Variants in VPS8 observed in about 807,000 individuals in gnomAD.
The protein encoded by VPS8 is vacuolar protein sorting-associated protein 8 homolog.
In VPS8, 129 loss-of-function variants were observed where a neutral mutation model predicts 216.4. The ratio of observed to expected loss-of-function variants is 0.60; its 90% confidence interval spans 0.52 to 0.69. The LOEUF (loss-of-function observed/expected upper bound fraction) is 0.69, where lower values mean the gene tolerates loss of function less well. VPS8 is among the 30% of genes least tolerant of loss of function. The pLI, the probability that VPS8 is intolerant of heterozygous loss-of-function variation, is 0.00. For synonymous variants in VPS8, 571 were observed against 565.4 expected, an observed-to-expected ratio of 1.01 and a Z score of -0.14; for missense variants, 1,531 against 1,683.5, an observed-to-expected ratio of 0.91 and a Z score of 1.59.
chr3:184,821,394 A>G (rs1322048539), intron 1 of VPS8, among the ~76,000 whole-genome samples: 4 of 150,904 alleles, frequency 2.7e-5, no homozygotes, highest in African/African-American at 9.8e-5. Flanking sequence ...CCCAGGCTGG[A>G]GTGCAGTGGC....
chr3:185,042,194 C>T (rs1164959665), intron 46 of VPS8, among the ~76,000 whole-genome samples: 3 of 152,192 alleles, frequency 2.0e-5, no homozygotes, highest in African/African-American at 7.2e-5. Flanking sequence ...AGAGCCCCTA[C>T]TCTGTGTTGT....
In VPS8 at chr3:184,900,941, T is replaced by C. The variant is rs1578152960; in HGVS notation, c.2115T>C (p.Ala705=). Residue 705 remains alanine, a synonymous_variant, in exon 25 of 48, where the codon GCT becomes GCC. Coordinates refer to ENST00000625842, the MANE Select transcript of VPS8 (RefSeq NM_001009921.3). ...SPMEKLFRVI[A]PPLNAGKTLT... is the part of the protein sequence containing the mutation. ...TGCAGAAACTTTTCAGAGTCATTGC[T>C]CCTCCTCTGAATGCAGGAAAAACAC... 1.2e-6 allele frequency: 2 copies of C among 1,606,898 alleles called. No homozygotes were observed. Among genetic ancestry groups the C allele is most frequent in the Non-Finnish European group, 1.7e-6 (2 of 1,178,456 alleles).
chr3:184,993,117 A>T (rs1752132234), intron 42 of VPS8, among the ~76,000 whole-genome samples: 1 of 152,156 alleles, frequency 6.6e-6, no homozygotes, highest in African/African-American at 2.4e-5. Context: ...AAAAAAAAAG[A>T]AATATTTGCT....
chr3:184,969,523 G>A (rs556911575), intron 39 of VPS8, among the ~76,000 whole-genome samples: 2 of 144,050 alleles, frequency 1.4e-5, no homozygotes, highest in East Asian at 2.1e-4. Context: ...TCCGCCTCCC[G>A]GGTTCAAGCG....
At chr3:184,958,740 TAAA>T (rs1214334124) in intron 37 of VPS8, among the ~76,000 whole-genome samples, 1 of 152,188 alleles carries the variant, frequency 6.6e-6, no homozygotes, top group Non-Finnish European at 1.5e-5. Context: ...TGGAGGAAAC[TAAA>T]AATTCAGATT....
chr3:184,815,199 T>C (rs1361742297), intron 1 of VPS8, among the ~76,000 whole-genome samples: 1 of 152,192 alleles, frequency 6.6e-6, no homozygotes, highest in Non-Finnish European at 1.5e-5. Flanking sequence ...TTTAAATAAG[T>C]GGATGAGTAC....
intron 24 of VPS8, among the ~76,000 whole-genome samples, chr3:184,900,195 G>C (rs558943813): frequency 1.6e-4 from 25 of 152,300 alleles, no homozygotes; most frequent in Admixed American, 1.6e-3. Context: ...GGAGGTACAG[G>C]GAAAGGATTG....
At chr3:184,914,886 G>T in intron 26 of VPS8, 95 bp from the exon 27 acceptor site, 2 of 1,226,792 alleles carry the variant, frequency 1.6e-6, no homozygotes, top group South Asian at 2.5e-5. Context: ...CTTACAAATT[G>T]AACTAGTATC....
At chr3:185,003,768 G>A (rs1264177950) in intron 45 of VPS8, among the ~76,000 whole-genome samples, 29 of 150,250 alleles carry the variant, frequency 1.9e-4, no homozygotes, top group Non-Finnish European at 4.0e-4. Flanking sequence ...CAGACGGGGC[G>A]GCTGCCAGGC....
chr3:184,942,400 T>C (rs1742880612), intron 36 of VPS8, among the ~76,000 whole-genome samples: 1 of 152,196 alleles, frequency 6.6e-6, no homozygotes, highest in Admixed American at 6.5e-5. Flanking sequence ...TCCTGTCATA[T>C]CAATTCAGGC....
chr3:184,949,462 T>C (rs1270495397), intron 36 of VPS8, among the ~76,000 whole-genome samples: 1 of 152,158 alleles, frequency 6.6e-6, no homozygotes, highest in Non-Finnish European at 1.5e-5. Flanking sequence ...GCTTGCCTGC[T>C]TTGTTCTGTG....
At position 184,924,986 on chromosome 3, in the gene VPS8, G is replaced by A. The variant is rs758593935; in HGVS notation, c.2574+5G>A. 6.2e-7 allele frequency: 1 copy of A among 1,611,398 alleles called. No individual in the cohort carries two copies. Among genetic ancestry groups the A allele is most frequent in the South Asian group, 1.1e-5 (1 of 90,500 alleles). ...AACAGAACACTTTTTGATCAGGTAA[G>A]TGTCTAGCAGTGAAAACTAAAAGGT... On this transcript the variant is annotated splice_donor_5th_base_variant and intron_variant, in intron 30 of 47. Transcript: ENST00000625842.
intron 39 of VPS8, among the ~76,000 whole-genome samples, chr3:184,968,656 A>G (rs1365020812): frequency 1.3e-5 from 2 of 152,066 alleles, no homozygotes; most frequent in African/African-American, 4.8e-5. Flanking sequence ...TATTTTGGCT[A>G]TTTATCTACC....
At chr3:184,931,307 AAGT>A (rs1406795394) in intron 34 of VPS8, among the ~76,000 whole-genome samples, 2 of 152,104 alleles carry the variant, frequency 1.3e-5, no homozygotes, top group African/African-American at 2.4e-5. Flanking sequence ...GATTGAAAAA[AAGT>A]AGTAAGAAAA....
intron 37 of VPS8, 110 bp downstream of exon 37, chr3:184,957,631 A>G: frequency 7.6e-7 from 1 of 1,318,986 alleles, no homozygotes; most frequent in African/African-American, 1.5e-5. Context: ...TTTAAACCTT[A>G]TAAATTCTTA....
intron 36 of VPS8, among the ~76,000 whole-genome samples, chr3:184,952,820 G>A (rs2109426996): frequency 6.6e-6 from 1 of 152,308 alleles, no homozygotes; most frequent in African/African-American, 2.4e-5. Flanking sequence ...TTGTGGAGGT[G>A]GTGTTTAGTG....
intron 17 of VPS8, among the ~76,000 whole-genome samples, chr3:184,867,689 T>C (rs1284873562): frequency 6.6e-6 from 1 of 152,034 alleles, no homozygotes; most frequent in Non-Finnish European, 1.5e-5. Flanking sequence ...CTAGTAAAAA[T>C]ACAAAAATTA....
At chr3:184,959,204 C>T (rs1746095896) in intron 37 of VPS8, among the ~76,000 whole-genome samples, 1 of 152,110 alleles carries the variant, frequency 6.6e-6, no homozygotes, top group Non-Finnish European at 1.5e-5. Context: ...GTAAGCACAC[C>T]ATCTTGACAA....
intron 46 of VPS8, among the ~76,000 whole-genome samples, chr3:185,044,692 A>G (rs147743467): frequency 1.6e-3 from 248 of 152,206 alleles, no homozygotes; most frequent in Non-Finnish European, 2.9e-3. Flanking sequence ...TTCTAGGGTC[A>G]TGACTACTAC....
Sources: gnomAD v4.1 joint callset for allele counts (sites outside exome capture counted in the v4.1 genomes callset) on GRCh38, gnomAD v4.1.1 for gene constraint, MANE v1.5 for transcripts, NCBI Gene and HGNC (gene_info 2026-07-23, HGNC 2026-07-21) for gene names.